The following FSIP1 variants were observed in gnomAD, a reference collection of about 807,000 sequenced individuals.
The protein encoded by FSIP1 is fibrous sheath-interacting protein 1.
Under a neutral mutation model 60.9 loss-of-function variants are expected in FSIP1, and 65 were observed. The ratio of observed to expected loss-of-function variants is 1.07; its 90% CI spans 0.87 to 1.31. The LOEUF (loss-of-function observed/expected upper bound fraction) is 1.31, where lower values mean the gene tolerates loss of function less well. FSIP1 is among the 40% of genes most tolerant of loss of function. The pLI is 0.00. For synonymous variants in FSIP1, 209 were observed against 221.2 expected, an observed-to-expected ratio of 0.94 and a Z score of 0.49; for missense variants, 675 against 665.5, an observed-to-expected ratio of 1.01 and a Z score of -0.16.
chr15:39,623,744 TA>T (rs751449229), intron 10 of FSIP1, among the ~76,000 whole-genome samples: 22 of 152,120 alleles, frequency 1.4e-4, no homozygotes, highest in Non-Finnish European at 2.5e-4. Flanking sequence ...AAGCAGGAAA[TA>T]AGAGTATAGA....
rs147389907 is a variant in FSIP1, at chr15:39,607,252, A to C, written c.1700-6326T>G. Among the ~76,000 whole-genome samples the C allele has an allele frequency of 6.1e-3, 930 of 152,296 alleles. 7 individuals are homozygous for C. Among genetic ancestry groups the C allele is most frequent in the Non-Finnish European group, 7.9e-3 (534 of 68,006 alleles). The stretch of plus-strand genomic sequence containing the variant: ...GTTTTACATGGACAGGTCTCCACAG[A>C]TGATGCCTGAGATTTTCCATCTCTG... On this transcript the variant is annotated intron_variant, in intron 11 of 11. Transcript: ENST00000350221.
chr15:39,648,532 C>A (rs938895185), intron 10 of FSIP1, among the ~76,000 whole-genome samples: 11 of 152,156 alleles, frequency 7.2e-5, no homozygotes, highest in Admixed American at 2.6e-4. Context: ...CTTTCCAAGA[C>A]CCCACCTTGT....
At chr15:39,687,989 T>C (rs1894450130) in intron 10 of FSIP1, among the ~76,000 whole-genome samples, 3 of 152,082 alleles carry the variant, frequency 2.0e-5, no homozygotes, top group Admixed American at 6.5e-5. Flanking sequence ...GCACTAGGAA[T>C]CAGAAGAGAG....
At chr15:39,623,150 C>T (rs1455456494) in intron 10 of FSIP1, among the ~76,000 whole-genome samples, 1 of 152,120 alleles carries the variant, frequency 6.6e-6, no homozygotes, top group East Asian at 1.9e-4. Context: ...GGAGATGGAA[C>T]ACAGACTGTG....
chr15:39,678,672 G>T (rs1014765034), intron 10 of FSIP1, among the ~76,000 whole-genome samples: 1 of 152,070 alleles, frequency 6.6e-6, no homozygotes, highest in African/African-American at 2.4e-5. Context: ...CTTAACAAGG[G>T]TATGGTATTT....
intron 1 of FSIP1, among the ~76,000 whole-genome samples, chr15:39,776,924 G>C (rs561004306): frequency 6.6e-6 from 1 of 152,068 alleles, no homozygotes; most frequent in South Asian, 2.1e-4. Flanking sequence ...AGGCCCTCCT[G>C]CTACTTTCTC....
chr15:39,683,077 G>A (rs1894228677), intron 10 of FSIP1, among the ~76,000 whole-genome samples: 1 of 152,096 alleles, frequency 6.6e-6, no homozygotes, highest in African/African-American at 2.4e-5. Context: ...GTACCAGGTG[G>A]GTTCTTGGAA....
intron 10 of FSIP1, among the ~76,000 whole-genome samples, chr15:39,618,608 G>A (rs1240484712): frequency 1.3e-5 from 2 of 152,170 alleles, no homozygotes; most frequent in Admixed American, 1.3e-4. Flanking sequence ...AAAAGGAAGG[G>A]TGAAGGGTGG....
At chr15:39,762,630 T>C (rs1040520245) in intron 5 of FSIP1, among the ~76,000 whole-genome samples, 3 of 152,222 alleles carry the variant, frequency 2.0e-5, no homozygotes, top group Non-Finnish European at 4.4e-5. Flanking sequence ...ATGGCAGCCT[T>C]GGGTAACCTG....
intron 10 of FSIP1, among the ~76,000 whole-genome samples, chr15:39,683,387 T>C (rs976157216): frequency 6.6e-6 from 1 of 151,886 alleles, no homozygotes; most frequent in Non-Finnish European, 1.5e-5. Context: ...CATACATTCA[T>C]GATTTAAAAA....
chr15:39,776,343 A>G (rs1278106978), intron 2 of FSIP1, 56 bp downstream of exon 2: 1 of 1,550,828 alleles, frequency 6.4e-7, no homozygotes, highest in East Asian at 2.3e-5. Flanking sequence ...CCTTAGTTTC[A>G]TCAACTGCTG....
Position 39,741,788 on chromosome 15 carries a change from C to A in FSIP1, c.655+17G>T. ...TCCCTTGTGAAAATGTGTATAATCA[C>A]ACAAATTTAAATATACCTTTATTGA... On this transcript the variant is annotated intron_variant, in intron 6 of 11. Transcript: ENST00000350221. 7.7e-7 allele frequency: 1 copy of A among 1,304,360 alleles called. No homozygotes were observed. The highest frequency in any genetic ancestry group is 1.1e-6 in the Non-Finnish European group (1 of 901,832). The allele number at this position is 1,304,360 out of a possible 1,614,324, so 80.8% of individuals were successfully genotyped here.
At chr15:39,774,038 TAA>T (rs1333889993) in intron 2 of FSIP1, among the ~76,000 whole-genome samples, 1 of 152,166 alleles carries the variant, frequency 6.6e-6, no homozygotes, top group Non-Finnish European at 1.5e-5. Context: ...AACTAAAAAT[TAA>T]AAGTTAATAG....
chr15:39,627,160 A>G (rs1891676016), intron 10 of FSIP1, among the ~76,000 whole-genome samples: 1 of 152,164 alleles, frequency 6.6e-6, no homozygotes, highest in East Asian at 1.9e-4. Flanking sequence ...ACACTGCTCA[A>G]CGTGACTGGA....
intron 4 of FSIP1, 108 bp from the exon 5 acceptor site, chr15:39,764,022 T>C (rs62004778): frequency 0.3 from 181,872 of 612,926 alleles, 32,221 homozygotes; most frequent in Non-Finnish European, 0.37. Context: ...AAACGAGAAG[T>C]CTCAGGCTAT....
intron 10 of FSIP1, among the ~76,000 whole-genome samples, chr15:39,702,360 G>C (rs969245594): frequency 1.8e-5 from 1 of 54,948 alleles, no homozygotes; most frequent in Non-Finnish European, 4.2e-5. Context: ...CTGACACATA[G>C]TGTCTTGTCA....
intron 10 of FSIP1, among the ~76,000 whole-genome samples, chr15:39,674,741 G>A (rs1189033862): frequency 6.6e-6 from 1 of 152,020 alleles, no homozygotes; most frequent in Non-Finnish European, 1.5e-5. Flanking sequence ...AATGTTTAGT[G>A]GAAAATATGT....
chr15:39,727,488 C>T (rs1896243802), intron 8 of FSIP1, among the ~76,000 whole-genome samples: 2 of 152,188 alleles, frequency 1.3e-5, no homozygotes, highest in African/African-American at 2.4e-5. Flanking sequence ...ACACCATGAT[C>T]AGGTCTGTAT....
chr15:39,621,518 C>A lies in FSIP1; in HGVS notation c.1189-3273G>T, dbSNP rs771972320. On this transcript the variant is annotated intron_variant, in intron 10 of 11. Coordinates refer to ENST00000350221, the MANE Select transcript of FSIP1 (RefSeq NM_152597.5). ...CACCTGAGTTCTCAGGGGCTCATCT[C>A]CTTTATCTGTAAAATGAGGAACTTT... Among the ~76,000 whole-genome samples, 170 of 152,288 alleles carry A rather than the reference C, an allele frequency of 1.1e-3. 2 individuals carry two copies. Among genetic ancestry groups the A allele is most frequent in the Non-Finnish European group, 1.7e-3 (119 of 68,026 alleles).
Sources: allele counts gnomAD v4.1 joint callset (sites outside exome capture counted in the v4.1 genomes callset), GRCh38; gene constraint gnomAD v4.1.1; transcripts MANE v1.5; gene names NCBI Gene and HGNC (gene_info 2026-07-23, HGNC 2026-07-21).